Variants in PABPC1 observed in about 807,000 individuals in gnomAD.
PABPC1 encodes polyadenylate-binding protein 1.
PABPC1 carries 4 observed loss-of-function variants against 74.0 expected under a neutral mutation model. That is an observed-to-expected ratio of 0.05 (90% CI 0.03 to 0.12). The LOEUF (loss-of-function observed/expected upper bound fraction) is 0.12. Ranked by LOEUF, PABPC1 falls within the 10% of genes least tolerant of loss-of-function variation. The pLI, the probability that PABPC1 is intolerant of heterozygous loss-of-function variation, is 1.00. For synonymous variants in PABPC1, 227 were observed against 264.1 expected, an observed-to-expected ratio of 0.86 and a Z score of 1.36; for missense variants, 271 against 821.1, an observed-to-expected ratio of 0.33 and a Z score of 8.19.
rs532527865 is a variant in PABPC1, at chr8:100,708,414, C to A, written c.1336+719G>T. ...AAAGCTGCAGTAAGCCAAGACCATG[C>A]CACTGCACTCCAGACTAGAAGAAAG... On this transcript the variant is annotated intron_variant, in intron 9 of 14. Coordinates refer to ENST00000318607, the MANE Select transcript of PABPC1 (RefSeq NM_002568.4). Among the ~76,000 whole-genome samples the A allele has an allele frequency of 1.8e-4, 28 of 152,140 alleles. 1 individual carries two copies. The highest frequency in any genetic ancestry group is 6.7e-4 in the African/African-American group (28 of 41,514).
At chr8:100,705,284 T>G (rs1261273311) in intron 12 of PABPC1, among the ~76,000 whole-genome samples, 1 of 152,262 alleles carries the variant, frequency 6.6e-6, no homozygotes, top group East Asian at 1.9e-4. Flanking sequence ...TACCATTAGG[T>G]TGTTAAATCG....
At chr8:100,708,325 G>A (rs928045230) in intron 9 of PABPC1, among the ~76,000 whole-genome samples, 35 of 152,106 alleles carry the variant, frequency 2.3e-4, no homozygotes, top group Non-Finnish European at 4.6e-4. Flanking sequence ...GCGTGGTGGC[G>A]TGTGCCTGTA....
intron 11 of PABPC1, 128 bp from the exon 12 acceptor site, chr8:100,705,801 C>T (rs1165561111): frequency 1.0e-5 from 7 of 673,560 alleles, no homozygotes; most frequent in East Asian, 2.7e-5. Flanking sequence ...GTTGAGTGAG[C>T]GAATTAGAAA....
chr8:100,704,786 C>T (rs562222929), intron 13 of PABPC1, 140 bp downstream of exon 13: 15 of 837,812 alleles, frequency 1.8e-5, no homozygotes, highest in Admixed American at 1.1e-4. Context: ...GGATAAATAG[C>T]GCCACAGGTT....
chr8:100,715,122 T>TACAC (rs56819980), intron 4 of PABPC1, among the ~76,000 whole-genome samples: 5,661 of 131,288 alleles, frequency 0.043, 144 homozygotes, highest in African/African-American at 0.074. Context: ...GATCTCTAAT[T>TACAC]ACACACACAC....
At chr8:100,715,122 T>TAC (rs56819980) in intron 4 of PABPC1, among the ~76,000 whole-genome samples, 10,202 of 131,262 alleles carry the variant, frequency 0.078, 386 homozygotes, top group South Asian at 0.12. Context: ...GATCTCTAAT[T>TAC]ACACACACAC....
intron 3 of PABPC1, among the ~76,000 whole-genome samples, chr8:100,717,097 G>A (rs1255592993): frequency 2.0e-5 from 3 of 151,952 alleles, no homozygotes; most frequent in African/African-American, 4.8e-5. Flanking sequence ...TGCAACCTCC[G>A]CCTCCCGGGT....
intron 3 of PABPC1, among the ~76,000 whole-genome samples, chr8:100,717,364 T>C (rs192064841): frequency 1.7e-4 from 26 of 152,322 alleles, no homozygotes; most frequent in Non-Finnish European, 3.1e-4. Context: ...TTACTTTGAG[T>C]TTCCTCACCT....
At chr8:100,715,283 C>T (rs1810640398) in intron 4 of PABPC1, among the ~76,000 whole-genome samples, 179 bp downstream of exon 4, 1 of 152,272 alleles carries the variant, frequency 6.6e-6, no homozygotes, top group East Asian at 1.9e-4. Context: ...TATTTATTTG[C>T]ATTATACTAC....
Position 100,713,216 on chromosome 8 carries a change from C to T in PABPC1, c.644-35G>A, listed in dbSNP as rs1448481000. ...TTTTTTACATAAATCAAAGATATTC[C>T]ATACAACATTCACGTTATACATTTC... On this transcript the variant is annotated intron_variant, in intron 4 of 14. Transcript: ENST00000318607. 3 of 1,243,290 alleles carry T rather than the reference C, an allele frequency of 2.4e-6. No homozygotes were observed. In the Admixed American group the frequency reaches 6.6e-5, roughly 27 times the overall value. 77.0% of individuals were successfully genotyped at this position (1,243,290 alleles called of 1,614,324 possible).
At chr8:100,719,379 G>A (rs187610411) in intron 1 of PABPC1, among the ~76,000 whole-genome samples, 27 of 144,314 alleles carry the variant, frequency 1.9e-4, no homozygotes, top group African/African-American at 6.8e-4. Context: ...CACCTACTCA[G>A]CTTCCCTAGT....
chr8:100,705,716 A>T (rs1462395176), intron 11 of PABPC1, 43 bp from the exon 12 acceptor site: 1 of 1,298,194 alleles, frequency 7.7e-7, no homozygotes, highest in Non-Finnish European at 1.1e-6. Flanking sequence ...GCACAGAAAA[A>T]GATGGCAAAT....
chr8:100,714,222 T>C (rs546887576), intron 4 of PABPC1, among the ~76,000 whole-genome samples: 96 of 152,318 alleles, frequency 6.3e-4, no homozygotes, highest in African/African-American at 2.3e-3. Flanking sequence ...ACTCATACGG[T>C]AGGTAGTTAA....
intron 9 of PABPC1, among the ~76,000 whole-genome samples, chr8:100,707,770 G>T (rs547183980): frequency 1.2e-3 from 188 of 152,332 alleles, no homozygotes; most frequent in African/African-American, 4.4e-3. Context: ...CTCCCCAGGG[G>T]AAAAGCAGAC....
At chr8:100,718,581 A>T (rs1810731688) in intron 1 of PABPC1, among the ~76,000 whole-genome samples, 1 of 152,232 alleles carries the variant, frequency 6.6e-6, no homozygotes, top group Admixed American at 6.5e-5. Flanking sequence ...ATTAAATCTA[A>T]AGCACTTTTT....
At chr8:100,714,928 T>C (rs1810627000) in intron 4 of PABPC1, among the ~76,000 whole-genome samples, 1 of 152,194 alleles carries the variant, frequency 6.6e-6, no homozygotes. Context: ...ATGAAGTTAT[T>C]TTTAAATGCA....
chr8:100,721,254 G>T lies in PABPC1; in HGVS notation c.193+137C>A. ...GAAACGCGGCTCCAGGGACCCCGGC[G>T]CCTTCCCGCCGGCCGTCGCGGGGTG... On this transcript the variant is annotated intron_variant, in intron 1 of 14. Coordinates refer to ENST00000318607, the MANE Select transcript of PABPC1 (RefSeq NM_002568.4). This position sits in a 1 kb window ranked among gnomAD's most constrained non-coding sequence, Gnocchi z 7.4. 3.6e-6 allele frequency: 1 copy of T among 275,456 alleles called. No individual in the cohort carries two copies. The highest frequency in any genetic ancestry group is 5.7e-6 in the Non-Finnish European group (1 of 175,050). The allele number at this position is 275,456 out of a possible 1,614,324, so 17.1% of individuals were successfully genotyped here.
At chr8:100,710,358 A>G (rs1359342429) in intron 7 of PABPC1, among the ~76,000 whole-genome samples, 1 of 152,228 alleles carries the variant, frequency 6.6e-6, no homozygotes, top group Non-Finnish European at 1.5e-5. Flanking sequence ...GCATGCTATA[A>G]AACTACATTA....
intron 4 of PABPC1, among the ~76,000 whole-genome samples, chr8:100,713,565 C>G (rs2129722089): frequency 6.6e-6 from 1 of 152,262 alleles, no homozygotes; most frequent in South Asian, 2.1e-4. Flanking sequence ...TGAATAAGCT[C>G]ACTTTAACTC....
Sources: allele counts gnomAD v4.1 joint callset (sites outside exome capture counted in the v4.1 genomes callset), GRCh38; gene constraint gnomAD v4.1.1; non-coding constraint Gnocchi (gnomAD v3.1); transcripts MANE v1.5; gene names NCBI Gene and HGNC (gene_info 2026-07-23, HGNC 2026-07-21).